FSTL1: variants seen among roughly 807,000 people sequenced by gnomAD.
FSTL1 encodes the protein follistatin-related protein 1.
In FSTL1, 24 loss-of-function variants were observed where a neutral mutation model predicts 45.9. That is an observed-to-expected ratio of 0.52 (90% confidence interval 0.38 to 0.74). FSTL1 has a LOEUF of 0.74. Among genes scored for constraint, FSTL1 ranks in the 30% least tolerant of loss-of-function variants. The pLI is 0.00. For synonymous variants in FSTL1, 120 were observed against 137.6 expected (o/e 0.87, Z 0.89); for missense variants, 340 against 381.8 (o/e 0.89, Z 0.91).
intron 6 of FSTL1, among the ~76,000 whole-genome samples, chr3:120,408,489 T>C (rs894083132): frequency 6.6e-6 from 1 of 152,192 alleles, no homozygotes; most frequent in African/African-American, 2.4e-5. Flanking sequence ...GAAAGAGAAA[T>C]CCACAGACTA....
intron 3 of FSTL1, among the ~76,000 whole-genome samples, chr3:120,412,835 C>T (rs1427995245): frequency 1.2e-4 from 9 of 76,178 alleles, no homozygotes; most frequent in South Asian, 4.0e-4. Flanking sequence ...CGCGCGCGCG[C>T]GCGCACACAC....
intron 2 of FSTL1, among the ~76,000 whole-genome samples, chr3:120,435,961 G>A (rs1291037662): frequency 1.3e-5 from 2 of 151,914 alleles, no homozygotes; most frequent in African/African-American, 2.4e-5. Flanking sequence ...GAGGAAAAAC[G>A]CAATTACCTA....
intron 2 of FSTL1, among the ~76,000 whole-genome samples, chr3:120,435,636 T>TG (rs1937537091): frequency 6.6e-6 from 1 of 152,228 alleles, no homozygotes; most frequent in Admixed American, 6.5e-5. Flanking sequence ...CCCAAATACA[T>TG]GCACACACTT....
intron 2 of FSTL1, among the ~76,000 whole-genome samples, chr3:120,417,690 G>C (rs1427073406): frequency 6.6e-6 from 1 of 152,136 alleles, no homozygotes; most frequent in Non-Finnish European, 1.5e-5. Flanking sequence ...ACACGAAAAA[G>C]GAAGAGGAAA....
At chr3:120,434,091 G>A (rs1228075681) in intron 2 of FSTL1, among the ~76,000 whole-genome samples, 3 of 152,172 alleles carry the variant, frequency 2.0e-5, no homozygotes, top group Non-Finnish European at 2.9e-5. Flanking sequence ...GAGAGAGAAA[G>A]CGGAGAGCAG....
chr3:120,415,846 GC>G (rs1416214136), intron 3 of FSTL1, 76 bp downstream of exon 3: 2 of 770,326 alleles, frequency 2.6e-6, no homozygotes, highest in Non-Finnish European at 4.7e-6. Context: ...CATTGGCACT[GC>G]CTGCTGATGG....
In FSTL1 at chr3:120,411,973, G is replaced by A; in HGVS notation, c.179C>T (p.Pro60Leu). The A allele has an allele frequency of 6.2e-7, 1 of 1,612,904 alleles. No individual in the cohort carries two copies. The change falls in exon 4 of 11, where the codon CCT becomes CTT. Residue 60 changes from proline (P) to leucine (L), a missense_variant. Coordinates refer to ENST00000295633, the MANE Select transcript of FSTL1 (RefSeq NM_007085.5). ...PTCLCIEQCK[P>L]HKRPVCGSNG... ...ACTGCCACACACAGGCCTCTTGTGAGGTTTGCATTGCTGAAACAGACCCAA... is the reference window on the plus strand; with the variant it reads ...ACTGCCACACACAGGCCTCTTGTGAAGTTTGCATTGCTGAAACAGACCCAA...
At chr3:120,440,352 G>T (rs1167101266) in intron 2 of FSTL1, among the ~76,000 whole-genome samples, 1 of 152,234 alleles carries the variant, frequency 6.6e-6, no homozygotes, top group Non-Finnish European at 1.5e-5. Context: ...AAGTTAAACG[G>T]CTGGGTCTCT....
rs528010442 is a variant in FSTL1, at chr3:120,444,564, C to T, written c.63+6120G>A. On this transcript the variant is annotated intron_variant, in intron 2 of 10. Transcript: ENST00000295633. ...GCCCCTTGGATATTTCATCCAGTGCCTTGACATCGTGACGATTCTTGTGAT... is the reference window on the plus strand; with the variant it reads ...GCCCCTTGGATATTTCATCCAGTGCTTTGACATCGTGACGATTCTTGTGAT... 3.3e-5 allele frequency among the ~76,000 whole-genome samples: 5 copies of T among 149,906 alleles called. 1 individual carries two copies. The highest frequency in any genetic ancestry group is 1.3e-4 in the African/African-American group (5 of 39,256).
chr3:120,398,847 T>G (rs1243656113), intron 10 of FSTL1, among the ~76,000 whole-genome samples: 1 of 152,204 alleles, frequency 6.6e-6, no homozygotes, highest in African/African-American at 2.4e-5. Flanking sequence ...TCCTATGAAG[T>G]TTTTTTCTCT....
At chr3:120,424,668 G>T (rs186908889) in intron 2 of FSTL1, among the ~76,000 whole-genome samples, 4 of 152,120 alleles carry the variant, frequency 2.6e-5, no homozygotes, top group Admixed American at 2.6e-4. Flanking sequence ...GGTTATAGAA[G>T]GAAGGGATCC....
chr3:120,397,018 A>G (rs1936715612), intron 10 of FSTL1, 22 bp from the exon 11 acceptor site: 8 of 1,587,750 alleles, frequency 5.0e-6, no homozygotes, highest in Non-Finnish European at 6.9e-6. Flanking sequence ...AAGAGAAAAT[A>G]GGCGTCATGG....
At chr3:120,423,950 T>C (rs886679294) in intron 2 of FSTL1, 1 of 152,222 alleles carries the variant, frequency 6.6e-6, no homozygotes, top group Non-Finnish European at 1.5e-5. Flanking sequence ...TATTTTCTCC[T>C]CTCCAATTGT....
intron 3 of FSTL1, among the ~76,000 whole-genome samples, chr3:120,413,747 CTCTT>C (rs909133278): frequency 1.3e-5 from 2 of 149,716 alleles, no homozygotes; most frequent in African/African-American, 4.9e-5. Flanking sequence ...ATCAAAGGCT[CTCTT>C]TGTTTTTTAA....
At chr3:120,440,114 A>AAAAAC (rs1454311205) in intron 2 of FSTL1, among the ~76,000 whole-genome samples, 1 of 152,218 alleles carries the variant, frequency 6.6e-6, no homozygotes, top group Non-Finnish European at 1.5e-5. Context: ...TCCTGTGTCA[A>AAAAAC]AAAACAAAAC....
intron 10 of FSTL1, among the ~76,000 whole-genome samples, chr3:120,398,366 C>T (rs1936748942): frequency 6.6e-6 from 1 of 152,180 alleles, no homozygotes; most frequent in Admixed American, 6.5e-5. Flanking sequence ...TTCCTACCTA[C>T]TGCCAGCACC....
intron 2 of FSTL1, among the ~76,000 whole-genome samples, chr3:120,433,935 A>G (rs1384204008): frequency 6.6e-6 from 1 of 152,216 alleles, no homozygotes; most frequent in Admixed American, 6.5e-5. Context: ...TAGAGCATGT[A>G]GGGTTTTAAA....
intron 2 of FSTL1, among the ~76,000 whole-genome samples, chr3:120,420,509 T>G (rs1271342648): frequency 6.6e-6 from 1 of 152,236 alleles, no homozygotes; most frequent in African/African-American, 2.4e-5. Context: ...GTTGTTTTCA[T>G]TTCGTGTGTT....
chr3:120,434,585 T>C (rs1937521504), intron 2 of FSTL1, among the ~76,000 whole-genome samples: 1 of 152,210 alleles, frequency 6.6e-6, no homozygotes, highest in South Asian at 2.1e-4. Flanking sequence ...ACATTACTTA[T>C]TATACTTCCT....
Sources: allele counts gnomAD v4.1 joint callset (sites outside exome capture counted in the v4.1 genomes callset), GRCh38; gene constraint gnomAD v4.1.1; transcripts MANE v1.5; gene names NCBI Gene and HGNC (gene_info 2026-07-23, HGNC 2026-07-21).